The following PPP4R3B variants were observed in gnomAD, a reference collection of about 807,000 sequenced individuals.
PPP4R3B encodes the protein protein phosphatase 4 regulatory subunit 3B.
PPP4R3B carries 52 observed loss-of-function variants against 95.4 expected under a neutral mutation model. The observed-to-expected ratio is 0.54, with a 90% CI of 0.44 to 0.69. The LOEUF is 0.69. PPP4R3B is among the 30% of genes least tolerant of loss of function. The pLI is 0.00. For missense variants in PPP4R3B, 1,003 were observed against 1,005.9 expected (o/e 1.00, Z 0.04); for synonymous variants, 407 against 343.9 (o/e 1.18, Z -2.03).
At chr2:55,566,708 A>C (rs1167810099) in intron 13 of PPP4R3B, among the ~76,000 whole-genome samples, 1 of 152,148 alleles carries the variant, frequency 6.6e-6, no homozygotes, top group African/African-American at 2.4e-5. Flanking sequence ...TTGGACTTTG[A>C]TTTTTCAAAT....
intron 7 of PPP4R3B, among the ~76,000 whole-genome samples, chr2:55,584,146 C>CA (rs934047088): frequency 9.9e-5 from 15 of 150,830 alleles, no homozygotes; most frequent in South Asian, 2.1e-4. Flanking sequence ...ACCTCTGTCT[C>CA]AAAAAAAACA....
chr2:55,551,576 C>A (rs867560552), intron 16 of PPP4R3B, among the ~76,000 whole-genome samples: 28 of 152,076 alleles, frequency 1.8e-4, no homozygotes, highest in Admixed American at 9.8e-4. Flanking sequence ...CATGGTGAAA[C>A]CCCATCTCTA....
intron 16 of PPP4R3B, among the ~76,000 whole-genome samples, chr2:55,557,763 ATAGTTGT>A (rs1431002535): frequency 6.6e-6 from 1 of 152,066 alleles, no homozygotes; most frequent in Non-Finnish European, 1.5e-5. Flanking sequence ...CCTTTATACA[ATAGTTGT>A]CCCCTATTTA....
rs142071196 is a variant in PPP4R3B, at chr2:55,599,555, C to T, written c.298-516G>A. On this transcript the variant is annotated intron_variant, in intron 3 of 16. Coordinates refer to ENST00000616407, the MANE Select transcript of PPP4R3B (RefSeq NM_001122964.3). ...GCCCCTTCCCCTATTGGTCAAACAG[C>T]ATTAAGGAGAAATCAACTTTTGTTG... is the stretch of plus-strand genomic sequence containing the variant. Among the ~76,000 whole-genome samples the T allele has an allele frequency of 3.1e-3, 468 of 152,294 alleles. 1 individual carries two copies. The highest frequency in any genetic ancestry group is 0.011 in the African/African-American group (443 of 41,546).
chr2:55,575,104 AT>A (rs1204750885), intron 11 of PPP4R3B, among the ~76,000 whole-genome samples: 1 of 142,660 alleles, frequency 7.0e-6, no homozygotes. Flanking sequence ...CGCCCGGCTA[AT>A]TTTTTTTTGT....
intron 5 of PPP4R3B, among the ~76,000 whole-genome samples, chr2:55,588,331 T>A (rs936830620): frequency 6.6e-6 from 1 of 151,964 alleles, no homozygotes; most frequent in African/African-American, 2.4e-5. Flanking sequence ...CTGACCAACA[T>A]GGAGAAATCC....
intron 7 of PPP4R3B, among the ~76,000 whole-genome samples, chr2:55,584,305 G>A (rs1028445582): frequency 6.6e-6 from 1 of 152,006 alleles, no homozygotes; most frequent in African/African-American, 2.4e-5. Flanking sequence ...TCAGTAGTGG[G>A]AAAACACAAT....
At chr2:55,569,062 T>C (rs150545368) in intron 12 of PPP4R3B, among the ~76,000 whole-genome samples, 61 of 152,238 alleles carry the variant, frequency 4.0e-4, no homozygotes, top group African/African-American at 1.4e-3. Flanking sequence ...TTTGCAGTAA[T>C]TATTCTTTAT....
chr2:55,581,438 A>T, intron 8 of PPP4R3B, 129 bp downstream of exon 8: 4 of 972,234 alleles, frequency 4.1e-6, no homozygotes, highest in Non-Finnish European at 4.4e-6. Context: ...ATGAATTGCT[A>T]TAAGAATACC....
In PPP4R3B at chr2:55,609,204, T is replaced by C. The variant is rs56047873; in HGVS notation, c.199-5128A>G. Among the ~76,000 whole-genome samples the C allele has an allele frequency of 1.6e-3, 240 of 152,226 alleles. 2 individuals are homozygous for C. The Middle Eastern group carries it at 0.024, about 15-fold the overall frequency. On this transcript the variant is annotated intron_variant, in intron 2 of 16. Coordinates refer to ENST00000616407, the MANE Select transcript of PPP4R3B (RefSeq NM_001122964.3). ...TTTTTTTTAAAAGGCTGGAGTGCAG[T>C]TGGCTATTCACAGGTGTGATCATCA...
Position 55,617,203 on chromosome 2 carries a change from G to C in PPP4R3B, c.83C>G (p.Ser28Cys). 6.2e-7 allele frequency: 1 copy of C among 1,614,040 alleles called. No homozygotes were observed. Among genetic ancestry groups the C allele is most frequent in the Non-Finnish European group, 8.5e-7 (1 of 1,179,934 alleles). Residue 28 changes from serine to cysteine, a missense_variant, in exon 1 of 17, where the codon TCC becomes TGC. Transcript: ENST00000616407. ...CTTGAGCTCCTCCACGTAAGTGGAGGAGACGTGCCCGGTGCCTCGGTCGTC... is the reference window on the plus strand; with the variant it reads ...CTTGAGCTCCTCCACGTAAGTGGAGCAGACGTGCCCGGTGCCTCGGTCGTC... ...QWDDRGTGHV[S>C]STYVEELKGM...
At chr2:55,565,859 AG>A (rs1687228358) in intron 13 of PPP4R3B, 1 of 155,440 alleles carries the variant, frequency 6.4e-6, no homozygotes, top group Non-Finnish European at 1.4e-5. Flanking sequence ...ACACAGAAGA[AG>A]AAAAAACAAC....
At chr2:55,602,814 G>C (rs1280908841) in intron 3 of PPP4R3B, among the ~76,000 whole-genome samples, 1 of 152,122 alleles carries the variant, frequency 6.6e-6, no homozygotes, top group Non-Finnish European at 1.5e-5. Context: ...ATAATAAACT[G>C]TAACTGTGAG....
At position 55,617,318 on chromosome 2, in the gene PPP4R3B, C is replaced by T. The variant is rs763126705; in HGVS notation, c.-33G>A. ...GCTGTCTCCACCGCTCTAGCCGCCG[C>T]CTCCTCGCTTACCTCGTCCGCGCTC... On this transcript the variant is annotated 5_prime_UTR_variant, in exon 1 of 17. Coordinates refer to ENST00000616407, the MANE Select transcript of PPP4R3B (RefSeq NM_001122964.3). 3 of 1,551,626 alleles carry T rather than the reference C, an allele frequency of 1.9e-6. No individual in the cohort carries two copies. Among genetic ancestry groups the T allele is most frequent in the South Asian group, 1.2e-5 (1 of 85,764 alleles).
intron 12 of PPP4R3B, among the ~76,000 whole-genome samples, chr2:55,569,136 T>C (rs1044595111): frequency 6.6e-6 from 1 of 152,058 alleles, no homozygotes; most frequent in Non-Finnish European, 1.5e-5. Flanking sequence ...CATGCAGAGA[T>C]AGGAGCTGAG....
chr2:55,605,865 C>A (rs1693304436), intron 2 of PPP4R3B, among the ~76,000 whole-genome samples: 1 of 146,676 alleles, frequency 6.8e-6, no homozygotes, highest in African/African-American at 2.5e-5. Flanking sequence ...GAGATCAAGC[C>A]ATTGCACTCC....
At chr2:55,572,541 A>T (rs953066703) in intron 12 of PPP4R3B, among the ~76,000 whole-genome samples, 1 of 152,226 alleles carries the variant, frequency 6.6e-6, no homozygotes, top group Non-Finnish European at 1.5e-5. Context: ...TCAGTATCAG[A>T]TTGATAACAT....
At chr2:55,593,884 C>T (rs1338556512) in intron 4 of PPP4R3B, among the ~76,000 whole-genome samples, 1 of 152,156 alleles carries the variant, frequency 6.6e-6, no homozygotes, top group Non-Finnish European at 1.5e-5. Flanking sequence ...CAGCACTATT[C>T]ATGATAGCAA....
At chr2:55,612,883 T>C (rs926484254) in intron 2 of PPP4R3B, among the ~76,000 whole-genome samples, 1 of 151,720 alleles carries the variant, frequency 6.6e-6, no homozygotes, top group South Asian at 2.1e-4. Context: ...GAGGCGAAGC[T>C]TGCAGTGAGC....
Sources: allele counts gnomAD v4.1 joint callset (sites outside exome capture counted in the v4.1 genomes callset), GRCh38; gene constraint gnomAD v4.1.1; transcripts MANE v1.5; gene names NCBI Gene and HGNC (gene_info 2026-07-23, HGNC 2026-07-21).